The following MICOS10 variants were observed in gnomAD, a reference collection of about 807,000 sequenced individuals.
The protein encoded by MICOS10 is mitochondrial contact site and cristae organizing system subunit 10, also known as MICOS complex subunit MIC10.
MICOS10 carries 5 observed loss-of-function variants against 13.4 expected under a neutral mutation model. The observed-to-expected ratio is 0.37, with a 90% CI of 0.20 to 0.78. The LOEUF (loss-of-function observed/expected upper bound fraction) is 0.78. Among genes scored for constraint, MICOS10 ranks in the 30% least tolerant of loss-of-function variants. MICOS10 has a pLI of 0.47. For missense variants in MICOS10, 101 were observed against 94.6 expected (o/e 1.07, Z -0.28); for synonymous variants, 35 against 33.6 (o/e 1.04, Z -0.15).
In MICOS10 at chr1:19,627,699, G is replaced by A. The variant is rs1376875391; in HGVS notation, c.*1298G>A. On this transcript the variant is annotated 3_prime_UTR_variant, in exon 4 of 4. Transcript: ENST00000322753. ...TAATGCATATTATAGCTGGGAAATC[G>A]CAAGTAGTTCAGCATAGCCAGGGTG... The A allele has an allele frequency of 6.6e-6, 1 of 152,382 alleles. No individual in the cohort carries two copies. Among genetic ancestry groups the A allele is most frequent in the Non-Finnish European group, 1.5e-5 (1 of 68,074 alleles). The allele number at this position is 152,382 out of a possible 1,614,324, so 9.4% of individuals were successfully genotyped here.
At chr1:19,611,698 G>A (rs759652652) in intron 1 of MICOS10, among the ~76,000 whole-genome samples, 3 of 151,860 alleles carry the variant, frequency 2.0e-5, no homozygotes, top group East Asian at 3.9e-4. Context: ...AAGGCCAGGC[G>A]CGATGGCTCA....
chr1:19,610,158 C>A (rs1314998773), intron 1 of MICOS10, among the ~76,000 whole-genome samples: 1 of 151,858 alleles, frequency 6.6e-6, no homozygotes, highest in Non-Finnish European at 1.5e-5. Flanking sequence ...AGAAAAAAAG[C>A]ATAGCCCATA....
chr1:19,626,040 G>A (rs139695999), intron 3 of MICOS10, among the ~76,000 whole-genome samples: 8 of 152,330 alleles, frequency 5.3e-5, no homozygotes, highest in African/African-American at 1.2e-4. Context: ...GACTCTTACC[G>A]GGGTTGAGAA....
At chr1:19,597,318 G>T (rs1558334516) in intron 1 of MICOS10, among the ~76,000 whole-genome samples, 1 of 152,212 alleles carries the variant, frequency 6.6e-6, no homozygotes, top group Non-Finnish European at 1.5e-5. Context: ...AGCAGCCCGG[G>T]TGCGGGGTGG....
chr1:19,625,358 G>A, intron 3 of MICOS10: 1 of 1,284,180 alleles, frequency 7.8e-7, no homozygotes. Flanking sequence ...CAAAGTAGCA[G>A]TATCCTGCCA....
chr1:19,606,011 C>G (rs1354853497), intron 1 of MICOS10, among the ~76,000 whole-genome samples: 1 of 152,128 alleles, frequency 6.6e-6, no homozygotes, highest in African/African-American at 2.4e-5. Flanking sequence ...TCAGAAAGAT[C>G]ACTGATGTGA....
At chr1:19,597,644 G>A (rs570057033) in intron 1 of MICOS10, among the ~76,000 whole-genome samples, 2 of 152,330 alleles carry the variant, frequency 1.3e-5, no homozygotes, top group South Asian at 2.1e-4. Flanking sequence ...TGAACTTAGA[G>A]GGGTGATGAT....
intron 1 of MICOS10, among the ~76,000 whole-genome samples, chr1:19,612,206 CTAATTTTTTTTT>C (rs984617554): frequency 6.7e-6 from 1 of 149,558 alleles, no homozygotes; most frequent in Admixed American, 6.7e-5. Flanking sequence ...CCATGCCTGG[CTAATTTTTTTTT>C]TAATTTTTTT....
intron 1 of MICOS10, chr1:19,617,432 C>A: frequency 2.4e-6 from 1 of 424,150 alleles, no homozygotes; most frequent in Non-Finnish European, 3.2e-6. Context: ...AGACTAAATT[C>A]ACCATCTCTG....
intron 3 of MICOS10, chr1:19,625,606 C>T (rs1390780981): frequency 1.3e-5 from 17 of 1,289,196 alleles, no homozygotes; most frequent in African/African-American, 4.6e-5. Flanking sequence ...TGGGGAGAAC[C>T]GAAAGGAGCA....
chr1:19,606,197 A>G (rs1471378503), intron 1 of MICOS10, among the ~76,000 whole-genome samples: 1 of 152,176 alleles, frequency 6.6e-6, no homozygotes, highest in Non-Finnish European at 1.5e-5. Context: ...GTTTATATTT[A>G]CAGAACTTGA....
chr1:19,625,391 G>GA (rs1163744116), intron 3 of MICOS10: 1 of 1,289,024 alleles, frequency 7.8e-7, no homozygotes, highest in East Asian at 5.5e-5. Context: ...TGCCATTTTA[G>GA]AACCTGCTGA....
chr1:19,616,718 C>T (rs1298772503), intron 1 of MICOS10, among the ~76,000 whole-genome samples: 1 of 152,104 alleles, frequency 6.6e-6, no homozygotes, highest in Non-Finnish European at 1.5e-5. Flanking sequence ...AGGTCTATCC[C>T]TTTGTGTAGG....
Position 19,629,586 on chromosome 1 carries a change from C to T in MICOS10, c.*3185C>T, listed in dbSNP as rs1320525646. ...CCTTTAGTGAGTGTCATCCTCTCAT[C>T]CATTTCAAAAGATTGCAGATGCCGT... On this transcript the variant is annotated 3_prime_UTR_variant, in exon 4 of 4. Transcript: ENST00000322753. 6.6e-6 allele frequency: 1 copy of T among 152,216 alleles called. No individual in the cohort carries two copies. The highest frequency in any genetic ancestry group is 2.4e-5 in the African/African-American group (1 of 41,444). 9.4% of individuals were successfully genotyped at this position (152,216 alleles called of 1,614,324 possible).
At chr1:19,610,445 C>T (rs556190168) in intron 1 of MICOS10, among the ~76,000 whole-genome samples, 107 of 127,252 alleles carry the variant, frequency 8.4e-4, no homozygotes, top group African/African-American at 2.9e-3. Flanking sequence ...GTGACACAAT[C>T]GTGGCTCACT....
intron 1 of MICOS10, among the ~76,000 whole-genome samples, chr1:19,607,304 T>C (rs2094839114): frequency 6.6e-6 from 1 of 152,258 alleles, no homozygotes; most frequent in Admixed American, 6.5e-5. Flanking sequence ...AGGCGCTATG[T>C]GGAACTTGAA....
At chr1:19,610,300 T>G (rs921892625) in intron 1 of MICOS10, among the ~76,000 whole-genome samples, 1 of 144,516 alleles carries the variant, frequency 6.9e-6, no homozygotes, top group Admixed American at 7.1e-5. Flanking sequence ...TGTTGGAGGC[T>G]CTAGATAAAT....
intron 1 of MICOS10, among the ~76,000 whole-genome samples, chr1:19,611,400 A>G (rs2094860615): frequency 6.6e-6 from 1 of 151,416 alleles, no homozygotes; most frequent in Non-Finnish European, 1.5e-5. Flanking sequence ...AATAAATGCT[A>G]CTAATTCTAT....
At chr1:19,597,198 A>G (rs2094795204) in intron 1 of MICOS10, 89 bp downstream of exon 1, 6 of 1,397,292 alleles carry the variant, frequency 4.3e-6, no homozygotes, top group Non-Finnish European at 5.9e-6. Context: ...GGGAAGCCCC[A>G]CGGGAGGTCA....
Sources: gnomAD v4.1 joint callset for allele counts (sites outside exome capture counted in the v4.1 genomes callset) on GRCh38, gnomAD v4.1.1 for gene constraint, MANE v1.5 for transcripts, NCBI Gene and HGNC (gene_info 2026-07-23, HGNC 2026-07-21) for gene names.